TENM3: variants seen among roughly 807,000 people sequenced by gnomAD.
TENM3 encodes teneurin transmembrane protein 3.
In TENM3, 63 loss-of-function variants were observed where a neutral mutation model predicts 255.1. The ratio of observed to expected loss-of-function variants is 0.25; its 90% CI spans 0.20 to 0.30. TENM3 has a LOEUF of 0.30. Ranked by LOEUF, TENM3 falls within the 10% of genes least tolerant of loss-of-function variation. TENM3 has a pLI of 1.00. For missense variants in TENM3, 2,929 were observed against 3,461.1 expected, an observed-to-expected ratio of 0.85 and a Z score of 3.86; for synonymous variants, 1,306 against 1,322.3, an observed-to-expected ratio of 0.99 and a Z score of 0.27.
the TENM3 span, among the ~76,000 whole-genome samples, chr4:181,736,158 C>T: frequency 6.6e-6 from 1 of 151,960 alleles, no homozygotes; most frequent in Non-Finnish European, 1.5e-5. Context: ...ATTAGCCGGG[C>T]GTGGTGGCAC....
chr4:182,145,989 G>A (rs1235747633), intron 1 of TENM3, among the ~76,000 whole-genome samples: 1 of 152,126 alleles, frequency 6.6e-6, no homozygotes, highest in Non-Finnish European at 1.5e-5. Flanking sequence ...CCAAAAGATG[G>A]TATTGTAACT....
intron 4 of TENM3, among the ~76,000 whole-genome samples, chr4:182,622,905 G>A (rs1750429921): frequency 6.6e-6 from 1 of 152,160 alleles, no homozygotes; most frequent in South Asian, 2.1e-4. Flanking sequence ...TAGATGATTT[G>A]TGGAGTGAAT....
At chr4:182,025,018 TC>T in the TENM3 span, among the ~76,000 whole-genome samples, 1 of 103,314 alleles carries the variant, frequency 9.7e-6, no homozygotes, top group African/African-American at 3.4e-5. Context: ...TGACAGGATT[TC>T]ATTTTTTTTT....
the TENM3 span, among the ~76,000 whole-genome samples, chr4:181,467,130 T>TTTTTTTTTTA: frequency 1.9e-5 from 1 of 53,288 alleles, no homozygotes; most frequent in South Asian, 7.1e-4. Flanking sequence ...TATATATTTT[T>TTTTTTTTTTA]TTTTTTTTTT....
At chr4:182,250,862 C>T (rs770564433) in intron 1 of TENM3, among the ~76,000 whole-genome samples, 8 of 152,210 alleles carry the variant, frequency 5.3e-5, no homozygotes, top group Non-Finnish European at 1.0e-4. Context: ...GATAAGGTCT[C>T]CCGCACCAAC....
At chr4:182,732,047 C>T (rs1179890900) in intron 16 of TENM3, among the ~76,000 whole-genome samples, 1 of 152,066 alleles carries the variant, frequency 6.6e-6, no homozygotes, top group East Asian at 1.9e-4. Context: ...TCCCAAAGTG[C>T]TGGGATTACA....
At chr4:181,988,299 A>G in the TENM3 span, among the ~76,000 whole-genome samples, 3 of 151,966 alleles carry the variant, frequency 2.0e-5, no homozygotes, top group Admixed American at 6.6e-5. Flanking sequence ...ATAATATGTC[A>G]TCTTAAATCC....
At chr4:182,080,428 G>A in the TENM3 span, among the ~76,000 whole-genome samples, 5 of 152,132 alleles carry the variant, frequency 3.3e-5, no homozygotes, top group Admixed American at 2.0e-4. Context: ...TAAAACAGGT[G>A]TAGAAAGGAC....
chr4:182,170,398 CCTTT>C (rs1204602705), intron 1 of TENM3, among the ~76,000 whole-genome samples: 5 of 152,090 alleles, frequency 3.3e-5, no homozygotes, highest in East Asian at 3.9e-4. Context: ...GCAAGTAGCA[CCTTT>C]CTTTCTCCTT....
the TENM3 span, among the ~76,000 whole-genome samples, chr4:181,979,936 GATGGAAGGTCCACTAGTTAT>G: frequency 6.6e-6 from 1 of 152,180 alleles, no homozygotes; most frequent in Non-Finnish European, 1.5e-5. Context: ...GCTCCGTGAG[GATGGAAGGTCCACTAGTTAT>G]AACCTGTGAG....
the TENM3 span, among the ~76,000 whole-genome samples, chr4:181,796,807 C>T: frequency 6.6e-6 from 1 of 152,230 alleles, no homozygotes; most frequent in African/African-American, 2.4e-5. Flanking sequence ...AGAAATGTAT[C>T]CTTCCTTCCA....
At chr4:182,625,036 T>G (rs1365826234) in intron 4 of TENM3, among the ~76,000 whole-genome samples, 1 of 152,210 alleles carries the variant, frequency 6.6e-6, no homozygotes, top group East Asian at 1.9e-4. Context: ...GGCATTTTAT[T>G]CTTCACCGCA....
intron 1 of TENM3, among the ~76,000 whole-genome samples, chr4:182,162,890 T>C (rs1178487233): frequency 6.6e-6 from 1 of 152,204 alleles, no homozygotes; most frequent in Non-Finnish European, 1.5e-5. Flanking sequence ...CTTCATACTG[T>C]TGCACTGGAG....
At chr4:181,569,940 A>G in the TENM3 span, among the ~76,000 whole-genome samples, 2 of 152,232 alleles carry the variant, frequency 1.3e-5, no homozygotes, top group African/African-American at 2.4e-5. Flanking sequence ...TAACTAAGAA[A>G]AAGAGACTTT....
chr4:181,723,165 G>T, the TENM3 span, among the ~76,000 whole-genome samples: 1 of 151,750 alleles, frequency 6.6e-6, no homozygotes, highest in East Asian at 1.9e-4. Flanking sequence ...AGTCAACCAG[G>T]CATTCTGTCC....
At chr4:181,864,498 G>A in the TENM3 span, among the ~76,000 whole-genome samples, 5 of 152,036 alleles carry the variant, frequency 3.3e-5, no homozygotes, top group African/African-American at 4.8e-5. Flanking sequence ...AGCCAGCAAC[G>A]GTCTATCATC....
the TENM3 span, among the ~76,000 whole-genome samples, chr4:181,803,523 A>T: frequency 6.6e-6 from 1 of 152,128 alleles, no homozygotes; most frequent in Non-Finnish European, 1.5e-5. Flanking sequence ...TCAACATACT[A>T]TTGTTGATGA....
At chr4:181,787,507 T>G in the TENM3 span, among the ~76,000 whole-genome samples, 3 of 152,086 alleles carry the variant, frequency 2.0e-5, no homozygotes, top group African/African-American at 7.2e-5. Context: ...CCAGCTAATT[T>G]TTTCATATTT....
chr4:181,861,388 C>T, the TENM3 span, among the ~76,000 whole-genome samples: 2 of 152,074 alleles, frequency 1.3e-5, no homozygotes, highest in South Asian at 2.1e-4. Flanking sequence ...AACATGTATG[C>T]CAATCAGAAG....
Sources: allele counts gnomAD v4.1 joint callset (sites outside exome capture counted in the v4.1 genomes callset), GRCh38; gene constraint gnomAD v4.1.1; transcripts MANE v1.5; gene names NCBI Gene and HGNC (gene_info 2026-07-23, HGNC 2026-07-21).